Variants in TRAF2 observed in about 807,000 individuals in gnomAD.
The protein encoded by TRAF2 is TNF receptor associated factor 2.
Under a neutral mutation model 55.6 loss-of-function variants are expected in TRAF2, and 6 were observed. The observed-to-expected ratio is 0.11, with a 90% CI of 0.06 to 0.21. TRAF2 has a LOEUF of 0.21. TRAF2 is among the 10% of genes least tolerant of loss of function. The pLI is 1.00. For missense variants in TRAF2, 561 were observed against 684.5 expected (o/e 0.82, Z 2.01); for synonymous variants, 329 against 276.3 (o/e 1.19, Z -1.89).
At chr9:136,916,668 T>C in intron 7 of TRAF2, 53 bp downstream of exon 7, 1 of 1,556,044 alleles carries the variant, frequency 6.4e-7, no homozygotes, top group Non-Finnish European at 8.8e-7. Context: ...GGTGTGGTCT[T>C]CACTGCCTCC....
intron 3 of TRAF2, 22 bp downstream of exon 3, chr9:136,899,694 T>A: frequency 6.2e-7 from 1 of 1,605,792 alleles, no homozygotes; most frequent in Non-Finnish European, 8.5e-7. Context: ...GTCTTGAAGC[T>A]AAAAATGTTG....
chr9:136,886,369 C>T (rs1849446887), upstream of TRAF2: 2 of 982,496 alleles, frequency 2.0e-6, no homozygotes, highest in African/African-American at 1.7e-5. Context: ...CCGTCAGGCG[C>T]GCTCGGAGCG....
intron 7 of TRAF2, among the ~76,000 whole-genome samples, chr9:136,918,459 T>C (rs1394807462): frequency 6.6e-6 from 1 of 151,414 alleles, no homozygotes; most frequent in East Asian, 1.9e-4. Flanking sequence ...CCGGCTAATT[T>C]TTGTATTTTT....
rs766014944 is a variant in TRAF2 at position 136,916,530 on chromosome 9, C to A, written c.604-11C>A. 1 of 1,613,860 alleles carries A rather than the reference C, an allele frequency of 6.2e-7. No homozygotes were observed. Among genetic ancestry groups the A allele is most frequent in the Non-Finnish European group, 8.5e-7 (1 of 1,179,808 alleles). On this transcript the variant is annotated splice_polypyrimidine_tract_variant and intron_variant, in intron 6 of 10. Transcript: ENST00000247668. ...AGAGAAAGATGGCTCTGTGACGTCA[C>A]TCCCTTGTAGTTTCAGGACCACGTC... is the stretch of plus-strand genomic sequence containing the variant.
At chr9:136,911,263 TC>T (rs1850098340) in intron 6 of TRAF2, among the ~76,000 whole-genome samples, 1 of 102,458 alleles carries the variant, frequency 9.8e-6, no homozygotes, top group Non-Finnish European at 1.9e-5. Flanking sequence ...ATCCTTCCCG[TC>T]TTTTTTTTTT....
chr9:136,882,720 C>T, upstream of TRAF2: 1 of 985,516 alleles, frequency 1.0e-6, no homozygotes, highest in Non-Finnish European at 1.2e-6. Context: ...AGTGAGTCAC[C>T]CCTTTCCAGC....
intron 2 of TRAF2, 64 bp from the exon 3 acceptor site, chr9:136,899,530 A>G (rs954523470): frequency 1.3e-6 from 2 of 1,505,256 alleles, no homozygotes; most frequent in African/African-American, 1.4e-5. Flanking sequence ...AACTGAAGCA[A>G]ATGGTGTTTG....
chr9:136,920,398 T>C lies in TRAF2; in HGVS notation c.843T>C (p.Thr281=). 6.2e-7 allele frequency: 1 copy of C among 1,614,094 alleles called. No individual in the cohort carries two copies. Among genetic ancestry groups the C allele is most frequent in the Non-Finnish European group, 8.5e-7 (1 of 1,180,008 alleles). Residue 281 remains threonine, a synonymous_variant, in exon 8 of 11, where the codon ACT becomes ACC. Coordinates refer to ENST00000247668, the MANE Select transcript of TRAF2 (RefSeq NM_021138.4). The part of the protein sequence containing the change: ...RCESLEKKTA[T]FENIVCVLNR... ...AGAGCCTGGAGAAGAAGACGGCCAC[T>C]TTTGAGAACATTGTCTGCGTCCTGA...
upstream of TRAF2, among the ~76,000 whole-genome samples, chr9:136,885,831 G>A (rs1849433744): frequency 2.6e-5 from 4 of 152,166 alleles, no homozygotes; most frequent in Admixed American, 2.6e-4. Context: ...TCGGGCGGCC[G>A]TCACCACTGT....
In TRAF2 at chr9:136,925,274, T is replaced by C. The variant is rs1850501278; in HGVS notation, c.1288-409T>C. Among the ~76,000 whole-genome samples the C allele has an allele frequency of 1.3e-5, 2 of 152,144 alleles. 1 individual carries two copies. The highest frequency in any genetic ancestry group is 4.8e-5 in the African/African-American group (2 of 41,428). ...CAGTCCTGACAGAGGCAGACTCAGG[T>C]TCTCCCTGAAAAGTGCTCTTCACGA... On this transcript the variant is annotated intron_variant, in intron 10 of 10. Transcript: ENST00000247668.
rs751599946 is a variant in TRAF2, at chr9:136,923,904, C to T, written c.1191C>T (p.Asn397=). 41 of 1,613,828 alleles carry T rather than the reference C, an allele frequency of 2.5e-5. No homozygotes were observed. In the African/African-American group the frequency reaches 2.9e-4, roughly 12 times the overall value. Residue 397 remains asparagine, a synonymous_variant, in exon 10 of 11, where the codon AAC becomes AAT. Coordinates refer to ENST00000247668, the MANE Select transcript of TRAF2 (RefSeq NM_021138.4). ...AGATGTGTCTGCGTATCTACCTGAA[C>T]GGCGACGGCACCGGGCGAGGAACAC... is the stretch of plus-strand genomic sequence containing the variant. ...GYKMCLRIYL[N]GDGTGRGTHL...
At chr9:136,900,818 G>A (rs1053050432) in intron 4 of TRAF2, 9 of 364,144 alleles carry the variant, frequency 2.5e-5, no homozygotes, top group Admixed American at 2.1e-4. Flanking sequence ...TCCCACCATC[G>A]TGGGGTGGCT....
At position 136,913,253 on chromosome 9, in the gene TRAF2, T is replaced by C. The variant is rs961549632; in HGVS notation, c.603+3259T>C. Among the ~76,000 whole-genome samples, 3 of 151,550 alleles carry C rather than the reference T, an allele frequency of 2.0e-5. No homozygotes were observed. The South Asian group carries it at 6.2e-4, about 31-fold the overall frequency. On this transcript the variant is annotated intron_variant, in intron 6 of 10. Transcript: ENST00000247668. ...TTTTTGTTCTTGGAAGTACATCTTA[T>C]GAAGATGTGGGGTCCACATACCATG...
At chr9:136,903,690 G>GT (rs981128294) in intron 4 of TRAF2, among the ~76,000 whole-genome samples, 4 of 151,746 alleles carry the variant, frequency 2.6e-5, no homozygotes, top group African/African-American at 7.3e-5. Flanking sequence ...TTGTTTGTTT[G>GT]TTGTTTTTTG....
chr9:136,900,693 A>T (rs891919477), intron 4 of TRAF2, 173 bp downstream of exon 4: 1 of 688,548 alleles, frequency 1.5e-6, no homozygotes, highest in African/African-American at 1.8e-5. Context: ...CCATTTAGAA[A>T]CTCAAGTAGT....
chr9:136,900,571 T>C (rs760229106), intron 4 of TRAF2, 51 bp downstream of exon 4: 1 of 1,447,770 alleles, frequency 6.9e-7, no homozygotes, highest in South Asian at 1.2e-5. Context: ...CAGTCGGGAG[T>C]CGTCCACGCT....
chr9:136,903,837 A>G (rs1375041809), intron 4 of TRAF2, among the ~76,000 whole-genome samples: 1 of 150,926 alleles, frequency 6.6e-6, no homozygotes, highest in Non-Finnish European at 1.5e-5. Context: ...CGCCCCCACC[A>G]CTCCCGGCTA....
chr9:136,911,846 CTTTTTTTTT>C (rs71492143), intron 6 of TRAF2, among the ~76,000 whole-genome samples: 3 of 71,446 alleles, frequency 4.2e-5, no homozygotes, highest in South Asian at 6.9e-4. Flanking sequence ...TCTCTTATCT[CTTTTTTTTT>C]TTTTTTTTTT....
intron 4 of TRAF2, among the ~76,000 whole-genome samples, chr9:136,901,019 C>G (rs1410509808): frequency 6.6e-6 from 1 of 152,174 alleles, no homozygotes; most frequent in Admixed American, 6.5e-5. Context: ...CTGGAAATTG[C>G]AGAAATAATG....
Sources: gnomAD v4.1 joint callset for allele counts (sites outside exome capture counted in the v4.1 genomes callset) on GRCh38, gnomAD v4.1.1 for gene constraint, MANE v1.5 for transcripts, NCBI Gene and HGNC (gene_info 2026-07-23, HGNC 2026-07-21) for gene names.